MARVELD3: variants seen among roughly 807,000 people sequenced by gnomAD.
The protein encoded by MARVELD3 is MARVEL domain containing 3.
In MARVELD3, 28 loss-of-function variants were observed where a neutral mutation model predicts 33.5. That is an observed-to-expected ratio of 0.84 (90% confidence interval 0.62 to 1.15). MARVELD3 has a LOEUF of 1.15. Ranked by LOEUF, MARVELD3 falls within the 50% of genes most tolerant of loss-of-function variation. MARVELD3 has a pLI of 0.00. For missense variants in MARVELD3, 582 were observed against 547.6 expected (o/e 1.06, Z -0.63); for synonymous variants, 241 against 230.4 (o/e 1.05, Z -0.42).
In MARVELD3 at chr16:71,634,731, T is replaced by G. The variant is rs12932850; in HGVS notation, c.1134T>G (p.Ala378=). The change falls in exon 3 of 3, where the codon GCT becomes GCG. Residue 378 remains alanine (A), a synonymous_variant. Coordinates refer to ENST00000268485, the MANE Select transcript of MARVELD3 (RefSeq NM_052858.6). The part of the protein sequence containing the change: ...ALGIVVFALG[A]VLAIKGYRKV... ...GCATTGTGGTCTTTGCCCTGGGGGC[T>G]GTCCTGGCCATAAAGGGCTACCGAA... 584,746 of 1,613,822 alleles carry G rather than the reference T, an allele frequency of 0.36. 111,857 individuals are homozygous for G. The highest frequency in any genetic ancestry group is 0.7 in the East Asian group (31,407 of 44,862).
chr16:71,631,737 C>T (rs919538795), intron 2 of MARVELD3, among the ~76,000 whole-genome samples: 1 of 152,066 alleles, frequency 6.6e-6, no homozygotes, highest in Non-Finnish European at 1.5e-5. Flanking sequence ...TGAGCCACCA[C>T]GCCTGGCCAT....
chr16:71,627,755 ACT>A (rs1380346554), intron 1 of MARVELD3, among the ~76,000 whole-genome samples: 7 of 110,158 alleles, frequency 6.4e-5, no homozygotes, highest in Admixed American at 5.8e-4. Flanking sequence ...GTACTGGAAG[ACT>A]CTGTGAGCTA....
rs1230906040 is a variant in MARVELD3, at chr16:71,626,988, G to A, written c.467+292G>A. On this transcript the variant is annotated intron_variant, in intron 1 of 2. Coordinates refer to ENST00000268485, the MANE Select transcript of MARVELD3 (RefSeq NM_052858.6). This position sits in a 1 kb window ranked among gnomAD's most constrained non-coding sequence, Gnocchi z 5.3. ...GAGGCCCCGGGACCCGAGAGGGAGGGGTGGGAGGAGACCAGGCGGGTGGGG... is the reference window on the plus strand; with the variant it reads ...GAGGCCCCGGGACCCGAGAGGGAGGAGTGGGAGGAGACCAGGCGGGTGGGG... 5.9e-5 allele frequency among the ~76,000 whole-genome samples: 9 copies of A among 152,194 alleles called. No individual in the cohort carries two copies. In the East Asian group the frequency reaches 1.7e-3, roughly 29 times the overall value.
In MARVELD3 at chr16:71,626,816, C is replaced by T; in HGVS notation, c.467+120C>T. 2 of 862,590 alleles carry T rather than the reference C, an allele frequency of 2.3e-6. No individual in the cohort carries two copies. The highest frequency in any genetic ancestry group is 3.3e-6 in the Non-Finnish European group (2 of 613,120). 53.4% of individuals were successfully genotyped at this position (862,590 alleles called of 1,614,324 possible). A position where few individuals can be genotyped will look rare whatever the true frequency, so the allele number is the denominator to read the frequency against. ...GGAGCCCGTTTAAATGAACAAATGCCGTTTCTCCCTTCTGCGCTCTCAGAG... is the reference window on the plus strand; with the variant it reads ...GGAGCCCGTTTAAATGAACAAATGCTGTTTCTCCCTTCTGCGCTCTCAGAG... On this transcript the variant is annotated intron_variant, in intron 1 of 2. Coordinates refer to ENST00000268485, the MANE Select transcript of MARVELD3 (RefSeq NM_052858.6). This position sits in a 1 kb window ranked among gnomAD's most constrained non-coding sequence, Gnocchi z 5.3.
rs2044568429 is a variant in MARVELD3, at chr16:71,634,834, T to C, written c.*31T>C. On this transcript the variant is annotated 3_prime_UTR_variant, in exon 3 of 3. Transcript: ENST00000268485. The stretch of plus-strand genomic sequence containing the variant: ...TCTAAAACGCTCTGACAGATGCAAG[T>C]GGTGGTGGAAGGTAGTCTGAGCCAC... 2 of 1,548,006 alleles carry C rather than the reference T, an allele frequency of 1.3e-6. No individual in the cohort carries two copies.
chr16:71,628,564 A>G (rs9934789), intron 1 of MARVELD3, among the ~76,000 whole-genome samples: 133,127 of 150,826 alleles, frequency 0.88, 58,955 homozygotes, highest in East Asian at 0.99. Context: ...AGGAAGACTG[A>G]GGAGGAAGAG....
downstream of MARVELD3, chr16:71,638,460 G>A (rs2044595725): frequency 6.6e-6 from 1 of 152,580 alleles, no homozygotes; most frequent in Admixed American, 6.5e-5. Flanking sequence ...GAAAAATGCA[G>A]GGAAGGGAAT....
chr16:71,627,228 C>A (rs769393117), intron 1 of MARVELD3, among the ~76,000 whole-genome samples: 2 of 152,214 alleles, frequency 1.3e-5, no homozygotes, highest in Non-Finnish European at 2.9e-5. Flanking sequence ...GGTGGGCCGG[C>A]GCGGTGGCTC....
In MARVELD3 at chr16:71,634,424, G is replaced by T. The variant is rs200333026; in HGVS notation, c.827G>T (p.Cys276Phe). 6.2e-7 allele frequency: 1 copy of T among 1,614,244 alleles called. No individual in the cohort carries two copies. Among genetic ancestry groups the T allele is most frequent in the South Asian group, 1.1e-5 (1 of 91,088 alleles). ...KLPMVTVAMA[C>F]SGALTALCCL... is the part of the protein sequence containing the mutation. ...CCCATGGTCACTGTGGCAATGGCCT[G>T]TAGTGGAGCCCTCACAGCCCTCTGC... The change falls in exon 3 of 3, where the codon TGT (cysteine) becomes TTT (phenylalanine). Residue 276 changes from cysteine (C) to phenylalanine (F), a missense_variant. Coordinates refer to ENST00000268485, the MANE Select transcript of MARVELD3 (RefSeq NM_052858.6).
In MARVELD3 at chr16:71,629,436, G is replaced by A; in HGVS notation, c.537G>A (p.Gln179=). ...RPGREEVEYY[Q]SEAEGLLECH... is the part of the protein sequence containing the mutation. The stretch of plus-strand genomic sequence containing the variant: ...GACGAGAGGAGGTGGAATATTACCA[G>A]TCAGAGGCGGAAGGACTCCTGGAAT... The change falls in exon 2 of 3, where the codon CAG becomes CAA. Residue 179 remains glutamine, a synonymous_variant. Transcript: ENST00000268485. 2 of 1,583,834 alleles carry A rather than the reference G, an allele frequency of 1.3e-6. No homozygotes were observed. Among genetic ancestry groups the A allele is most frequent in the Non-Finnish European group, 1.7e-6 (2 of 1,167,840 alleles).
chr16:71,640,314 G>T (rs1018862769), downstream of MARVELD3: 6 of 1,480,922 alleles, frequency 4.1e-6, no homozygotes, highest in Non-Finnish European at 5.5e-6. Flanking sequence ...CTTAAAATCA[G>T]GTGGCCTGTG....
Position 71,634,872 on chromosome 16 carries a change from G to T in MARVELD3, c.*69G>T. The stretch of plus-strand genomic sequence containing the variant: ...TAGTCTGAGCCACTGCCTTTCCCAA[G>T]AATCCCTTGTTGTGGAAGTTTCCAG... On this transcript the variant is annotated 3_prime_UTR_variant, in exon 3 of 3. Coordinates refer to ENST00000268485, the MANE Select transcript of MARVELD3 (RefSeq NM_052858.6). 6.6e-7 allele frequency: 1 copy of T among 1,519,948 alleles called. No individual in the cohort carries two copies. Among genetic ancestry groups the T allele is most frequent in the Non-Finnish European group, 8.8e-7 (1 of 1,137,148 alleles). 94.2% of individuals were successfully genotyped at this position (1,519,948 alleles called of 1,614,324 possible). A position where few individuals can be genotyped will look rare whatever the true frequency, so the allele number is the denominator to read the frequency against.
Position 71,634,550 on chromosome 16 carries a change from T to G in MARVELD3, c.953T>G (p.Ile318Ser). ...GACATGCTCATCGCGGGGGGGTACA[T>G]CCCGGCCTTGTACTTCTACTTCCAC... ...LLDMLIAGGY[I>S]PALYFYFHYL... Residue 318 changes from isoleucine (I) to serine (S), a missense_variant, in exon 3 of 3, where the codon ATC becomes AGC. Coordinates refer to ENST00000268485, the MANE Select transcript of MARVELD3 (RefSeq NM_052858.6). 2 of 1,614,166 alleles carry G rather than the reference T, an allele frequency of 1.2e-6. No individual in the cohort carries two copies. The highest frequency in any genetic ancestry group is 1.7e-6 in the Non-Finnish European group (2 of 1,180,040).
chr16:71,629,769 G>A (rs1477203634), intron 2 of MARVELD3: 3 of 447,382 alleles, frequency 6.7e-6, no homozygotes, highest in East Asian at 3.6e-5. Flanking sequence ...GACTCCAGGT[G>A]GAAGTGCAGA....
chr16:71,640,967 C>G, downstream of MARVELD3: 1 of 1,613,732 alleles, frequency 6.2e-7, no homozygotes, highest in South Asian at 1.1e-5. Context: ...ACAAAGGCAG[C>G]CGAGAACAGC....
chr16:71,637,160 T>G (rs2044586803), downstream of MARVELD3, among the ~76,000 whole-genome samples: 1 of 152,158 alleles, frequency 6.6e-6, no homozygotes, highest in Non-Finnish European at 1.5e-5. Context: ...CTGGCCATAT[T>G]CCTTCAACAG....
rs78688791 is a variant in MARVELD3, at chr16:71,635,615, C to CA, written c.*825dup. 45,603 of 603,812 alleles carry CA rather than the reference C, an allele frequency of 0.076. No individual in the cohort carries two copies. Among genetic ancestry groups the CA allele is most frequent in the Non-Finnish European group, 0.085 (41,423 of 489,076 alleles). The allele number at this position is 603,812 out of a possible 1,614,324, so 37.4% of individuals were successfully genotyped here. A position where few individuals can be genotyped will look rare whatever the true frequency, so the allele number is the denominator to read the frequency against. On this transcript the variant is annotated 3_prime_UTR_variant, in exon 3 of 3. Transcript: ENST00000268485. ...GACCAAGACCGTATTGCCAAAATACCAAAAAAAAAAAAAGTTCATGGAGAG... is the reference window on the plus strand; with the variant it reads ...GACCAAGACCGTATTGCCAAAATACCAAAAAAAAAAAAAAGTTCATGGAGAG...
intron 2 of MARVELD3, among the ~76,000 whole-genome samples, chr16:71,632,843 C>T (rs1196115367): frequency 1.3e-5 from 2 of 151,802 alleles, no homozygotes; most frequent in East Asian, 2.0e-4. Context: ...AACTCGTGAC[C>T]GCAGGTGATC....
At position 71,626,770 on chromosome 16, in the gene MARVELD3, C is replaced by T; in HGVS notation, c.467+74C>T. 2 of 1,249,818 alleles carry T rather than the reference C, an allele frequency of 1.6e-6. No homozygotes were observed. The highest frequency in any genetic ancestry group is 2.1e-6 in the Non-Finnish European group (2 of 959,180). The allele number at this position is 1,249,818 out of a possible 1,614,324, so 77.4% of individuals were successfully genotyped here. A position where few individuals can be genotyped will look rare whatever the true frequency, so the allele number is the denominator to read the frequency against. ...CCCAGGCCGGCCCGCGAGGCCCTGG[C>T]GTCCCCGGGTTCTCGTCCTAGGAGC... On this transcript the variant is annotated intron_variant, in intron 1 of 2. Transcript: ENST00000268485. This position sits in a 1 kb window ranked among gnomAD's most constrained non-coding sequence, Gnocchi z 5.3.
Sources: gnomAD v4.1 joint callset for allele counts (sites outside exome capture counted in the v4.1 genomes callset) on GRCh38, gnomAD v4.1.1 for gene constraint, Gnocchi (gnomAD v3.1) non-coding constraint, MANE v1.5 for transcripts, NCBI Gene and HGNC (gene_info 2026-07-23, HGNC 2026-07-21) for gene names.